SPAM1: variants seen among roughly 807,000 people sequenced by gnomAD.
SPAM1 encodes the protein sperm adhesion molecule 1, also known as hyaluronidase PH-20.
In SPAM1, 22 loss-of-function variants were observed where a neutral mutation model predicts 29.6. That is an observed-to-expected ratio of 0.74 (90% CI 0.53 to 1.06). The LOEUF (loss-of-function observed/expected upper bound fraction) is 1.06, where lower values mean the gene tolerates loss of function less well. Among genes scored for constraint, SPAM1 ranks in the 50% least tolerant of loss-of-function variants. The pLI is 0.00. For synonymous variants in SPAM1, 194 were observed against 204.6 expected, an observed-to-expected ratio of 0.95 and a Z score of 0.44; for missense variants, 534 against 604.0, an observed-to-expected ratio of 0.88 and a Z score of 1.21.
chr7:123,926,724 G>T (rs1008832156), intron 1 of SPAM1, among the ~76,000 whole-genome samples: 2 of 152,156 alleles, frequency 1.3e-5, no homozygotes, highest in African/African-American at 4.8e-5. Flanking sequence ...TTATAGATAA[G>T]TTTAAAGATT....
chr7:123,954,173 A>G lies in SPAM1; in HGVS notation c.603A>G (p.Val201=). The change falls in exon 3 of 5, where the codon GTA becomes GTG. Residue 201 remains valine (V), a synonymous_variant. Coordinates refer to ENST00000682466, the MANE Select transcript of SPAM1 (RefSeq NM_153189.3). ...EFEKAGKDFL[V]ETIKLGKLLR... ...AAAAGGCAGGGAAGGATTTCCTGGT[A>G]GAGACTATAAAATTGGGAAAATTAC... 1 of 1,613,538 alleles carries G rather than the reference A, an allele frequency of 6.2e-7. No individual in the cohort carries two copies. The highest frequency in any genetic ancestry group is 2.2e-5 in the East Asian group (1 of 44,850).
chr7:123,931,113 C>T (rs1017120628), intron 1 of SPAM1, among the ~76,000 whole-genome samples: 2 of 152,142 alleles, frequency 1.3e-5, no homozygotes, highest in Non-Finnish European at 2.9e-5. Flanking sequence ...TTGCACACTT[C>T]ATGTTGTTGG....
chr7:123,950,275 T>A (rs895676851), intron 2 of SPAM1, among the ~76,000 whole-genome samples: 5 of 152,118 alleles, frequency 3.3e-5, no homozygotes, highest in African/African-American at 1.2e-4. Context: ...AATTTAATTT[T>A]ATTTTAGATT....
chr7:123,937,556 G>A (rs530050707), intron 1 of SPAM1, among the ~76,000 whole-genome samples: 287 of 140,426 alleles, frequency 2.0e-3, no homozygotes, highest in Admixed American at 4.5e-3. Context: ...AGCCGAGATC[G>A]CGCCACTGCA....
downstream of SPAM1, among the ~76,000 whole-genome samples, chr7:123,961,234 A>AC (rs1792353812): frequency 6.6e-6 from 1 of 151,636 alleles, no homozygotes; most frequent in African/African-American, 2.4e-5. Flanking sequence ...AATTATAGTC[A>AC]CCCCCCAGTG....
chr7:123,934,496 T>G (rs1808192500), intron 1 of SPAM1, among the ~76,000 whole-genome samples: 1 of 152,138 alleles, frequency 6.6e-6, no homozygotes, highest in Non-Finnish European at 1.5e-5. Context: ...TGGTTATATA[T>G]CCAAAGGAAA....
chr7:123,933,602 C>A (rs1461139017), intron 1 of SPAM1, among the ~76,000 whole-genome samples: 1 of 152,070 alleles, frequency 6.6e-6, no homozygotes, highest in African/African-American at 2.4e-5. Flanking sequence ...TTGTACAGAT[C>A]CATTTGAGCA....
intron 1 of SPAM1, among the ~76,000 whole-genome samples, chr7:123,940,801 A>C (rs1808405550): frequency 6.6e-6 from 1 of 152,192 alleles, no homozygotes; most frequent in African/African-American, 2.4e-5. Flanking sequence ...GCTTGAACCT[A>C]TAATGCATTT....
rs759911125 is a variant in SPAM1, at chr7:123,953,822, C to A, written c.252C>A (p.Thr84=). The change falls in exon 3 of 5, where the codon ACC becomes ACA. Residue 84 remains threonine, a synonymous_variant. Coordinates refer to ENST00000682466, the MANE Select transcript of SPAM1 (RefSeq NM_153189.3). The part of the protein sequence containing the change: ...SFIGSPRINA[T]GQGVTIFYVD... ...TAGGAAGCCCCCGAATAAACGCCAC[C>A]GGGCAAGGTGTTACAATATTTTATG... is the stretch of plus-strand genomic sequence containing the variant. The A allele has an allele frequency of 1.9e-6, 3 of 1,612,928 alleles. No individual in the cohort carries two copies. Among genetic ancestry groups the A allele is most frequent in the African/African-American group, 1.3e-5 (1 of 74,842 alleles).
intron 1 of SPAM1, among the ~76,000 whole-genome samples, chr7:123,944,578 C>T (rs948715466): frequency 2.0e-5 from 3 of 152,142 alleles, no homozygotes; most frequent in Non-Finnish European, 4.4e-5. Flanking sequence ...AGATAATCCT[C>T]ACGTCAGACC....
intron 1 of SPAM1, among the ~76,000 whole-genome samples, chr7:123,940,565 T>C (rs1243868198): frequency 6.6e-6 from 1 of 152,044 alleles, no homozygotes; most frequent in African/African-American, 2.4e-5. Flanking sequence ...CACAGCTCAC[T>C]GCAGCTTTAA....
intron 1 of SPAM1, among the ~76,000 whole-genome samples, chr7:123,943,816 G>A (rs1417223267): frequency 1.3e-5 from 2 of 151,976 alleles, no homozygotes; most frequent in Admixed American, 6.6e-5. Context: ...TTAAAAAAAC[G>A]AAAGCAGAAA....
chr7:123,959,482 A>G lies in SPAM1; in HGVS notation c.1045-2A>G. The stretch of plus-strand genomic sequence containing the variant: ...TCTGACTGTCTTATAATAATTTTAC[A>G]GAAATCTTGCTTGCTCCTAGACAAT... On this transcript the variant is annotated splice_acceptor_variant, in intron 4 of 4. Transcript: ENST00000682466. LOFTEE classifies it high-confidence loss of function. 4 of 1,571,274 alleles carry G rather than the reference A, an allele frequency of 2.5e-6. No homozygotes were observed. The highest frequency in any genetic ancestry group is 3.5e-6 in the Non-Finnish European group (4 of 1,157,452).
rs1383440157 is a variant in SPAM1, at chr7:123,960,028, A to G, written c.*59A>G. On this transcript the variant is annotated 3_prime_UTR_variant, in exon 5 of 5. Transcript: ENST00000682466. ...ATCTTAAAGTGTGCTTTTTCGACTA[A>G]TTAAATCTTTGAAAAGAACAGCTCT... The G allele has an allele frequency of 1.3e-6, 2 of 1,515,022 alleles. No individual in the cohort carries two copies. The highest frequency in any genetic ancestry group is 4.5e-5 in the East Asian group (2 of 44,190). 93.8% of individuals were successfully genotyped at this position (1,515,022 alleles called of 1,614,324 possible). A position where few individuals can be genotyped will look rare whatever the true frequency, so the allele number is the denominator to read the frequency against.
intron 1 of SPAM1, among the ~76,000 whole-genome samples, chr7:123,945,526 G>T (rs1460888766): frequency 6.6e-6 from 1 of 152,162 alleles, no homozygotes; most frequent in Admixed American, 6.5e-5. Context: ...AGCCAAAGAG[G>T]TCAGGTTATG....
At chr7:123,939,806 C>T (rs374616768) in intron 1 of SPAM1, among the ~76,000 whole-genome samples, 7 of 152,162 alleles carry the variant, frequency 4.6e-5, no homozygotes, top group African/African-American at 1.7e-4. Flanking sequence ...TCAGATTACT[C>T]TTGGGGGTTC....
chr7:123,927,723 G>GT (rs1194984989), intron 1 of SPAM1, among the ~76,000 whole-genome samples: 1 of 152,182 alleles, frequency 6.6e-6, no homozygotes, highest in Non-Finnish European at 1.5e-5. Context: ...AAAGAAAGAG[G>GT]TTATTAATGT....
At chr7:123,927,423 G>A (rs1170321040) in intron 1 of SPAM1, among the ~76,000 whole-genome samples, 1 of 152,150 alleles carries the variant, frequency 6.6e-6, no homozygotes, top group East Asian at 1.9e-4. Context: ...CGGAAGGAGG[G>A]CATCTATAGC....
downstream of SPAM1, among the ~76,000 whole-genome samples, chr7:123,962,185 G>GT (rs1792368591): frequency 6.6e-6 from 1 of 151,902 alleles, no homozygotes; most frequent in Non-Finnish European, 1.5e-5. Context: ...AGTGCTTGCT[G>GT]TTTTTTGTCT....
Sources: gnomAD v4.1 joint callset for allele counts (sites outside exome capture counted in the v4.1 genomes callset) on GRCh38, gnomAD v4.1.1 for gene constraint, MANE v1.5 for transcripts, NCBI Gene and HGNC (gene_info 2026-07-23, HGNC 2026-07-21) for gene names.